Variants in PCDHGA8 observed in about 807,000 individuals in gnomAD.
The protein encoded by PCDHGA8 is protocadherin gamma subfamily A, 8.
PCDHGA8 carries 45 observed loss-of-function variants against 59.2 expected under a neutral mutation model. That is an observed-to-expected ratio of 0.76 (90% CI 0.60 to 0.98). PCDHGA8 has a LOEUF of 0.98. PCDHGA8 is among the 50% of genes least tolerant of loss of function. The pLI is 0.00. For missense variants in PCDHGA8, 1,257 were observed against 1,196.2 expected (o/e 1.05, Z -0.75); for synonymous variants, 531 against 519.0 (o/e 1.02, Z -0.32).
intron 1 of PCDHGA8, chr5:141,399,531 G>A (rs771221717): frequency 1.2e-6 from 2 of 1,614,052 alleles, no homozygotes; most frequent in Non-Finnish European, 1.7e-6. Flanking sequence ...CCTCCATCGC[G>A]CAAGTCTGCG....
At chr5:141,509,335 G>T (rs113423267) in intron 3 of PCDHGA8, among the ~76,000 whole-genome samples, 106 of 152,262 alleles carry the variant, frequency 7.0e-4, no homozygotes, top group African/African-American at 2.4e-3. Context: ...CTGCCAGCTG[G>T]GCCTGGGCTG....
chr5:141,415,007 G>A (rs369009151), intron 1 of PCDHGA8: 1 of 1,613,654 alleles, frequency 6.2e-7, no homozygotes, highest in South Asian at 1.1e-5. Flanking sequence ...CTGTCCTACC[G>A]TCTGCTCAAG....
chr5:141,393,304 T>G lies in PCDHGA8; in HGVS notation c.491T>G (p.Val164Gly), dbSNP rs1317637425. The G allele has an allele frequency of 1.9e-6, 3 of 1,613,680 alleles. No homozygotes were observed. The highest frequency in any genetic ancestry group is 1.7e-5 in the Admixed American group (1 of 59,990). The change falls in exon 1 of 4, where the codon GTG becomes GGG. Residue 164 changes from valine (V) to glycine (G), a missense_variant. Physicochemically the swap from Val to Gly is moderately radical, Grantham distance 109. Transcript: ENST00000398604. Reference sequence around the variant, plus strand: ...GAAGCTGTTGACCCGGATGTGGGCGTGAACTCCCTCCAGAGCTACCAGCTC... The same window carrying G: ...GAAGCTGTTGACCCGGATGTGGGCGGGAACTCCCTCCAGAGCTACCAGCTC... ...LPEAVDPDVG[V>G]NSLQSYQLSP...
In PCDHGA8 at chr5:141,430,383, GAA is replaced by G. The variant is rs139772145; in HGVS notation, c.2424+35158_2424+35159del. Among the ~76,000 whole-genome samples the G allele has an allele frequency of 1.3e-3, 180 of 138,574 alleles. 1 individual carries two copies. Among genetic ancestry groups the G allele is most frequent in the African/African-American group, 4.5e-3 (169 of 37,858 alleles). 90.9% of individuals were successfully genotyped at this position (138,574 alleles called of 152,430 possible). A position where few individuals can be genotyped will look rare whatever the true frequency, so the allele number is the denominator to read the frequency against. On this transcript the variant is annotated intron_variant, in intron 1 of 3. Coordinates refer to ENST00000398604, the MANE Select transcript of PCDHGA8 (RefSeq NM_032088.2). ...CATTGGGGAAAAAAAAGCTCATTGG[GAA>G]AAAAAAAAAAAGCTCACTAAAGTTT...
intron 1 of PCDHGA8, chr5:141,421,239 G>A (rs773410079): frequency 6.3e-7 from 1 of 1,599,000 alleles, no homozygotes; most frequent in South Asian, 1.1e-5. Context: ...TGGCGAATCG[G>A]CTACAGCGCG....
chr5:141,484,532 G>A (rs1421387882), intron 1 of PCDHGA8, among the ~76,000 whole-genome samples: 1 of 152,182 alleles, frequency 6.6e-6, no homozygotes, highest in Non-Finnish European at 1.5e-5. Context: ...TTGAGTATAT[G>A]GCAGTGGTTC....
At chr5:141,444,774 AT>A (rs2098446962) in intron 1 of PCDHGA8, among the ~76,000 whole-genome samples, 1 of 152,018 alleles carries the variant, frequency 6.6e-6, no homozygotes, top group Non-Finnish European at 1.5e-5. Context: ...TATATTCTTG[AT>A]CATGTTTCAT....
rs2099681350 is a variant in PCDHGA8, at chr5:141,489,024, C to T, written c.2425-5783C>T. 1 of 450,378 alleles carries T rather than the reference C, an allele frequency of 2.2e-6. No individual in the cohort carries two copies. The highest frequency in any genetic ancestry group is 3.9e-6 in the Non-Finnish European group (1 of 256,582). 27.9% of individuals were successfully genotyped at this position (450,378 alleles called of 1,614,324 possible). On this transcript the variant is annotated intron_variant, in intron 1 of 3. Coordinates refer to ENST00000398604, the MANE Select transcript of PCDHGA8 (RefSeq NM_032088.2). The surrounding 1 kb of genome is among the most constrained non-coding windows in gnomAD (Gnocchi z 4.5). ...CTGCTCTTCCAGCCCGCCTCTCCTC[C>T]TCCAGCTCCCCAGCTCCACTCAAAT... is the stretch of plus-strand genomic sequence containing the variant.
At chr5:141,495,697 A>G (rs1010733016) in intron 2 of PCDHGA8, among the ~76,000 whole-genome samples, 1 of 152,086 alleles carries the variant, frequency 6.6e-6, no homozygotes, top group Non-Finnish European at 1.5e-5. Flanking sequence ...AGTGCTCAAT[A>G]AATGTGGAGT....
At position 141,393,613 on chromosome 5, in the gene PCDHGA8, G is replaced by A; in HGVS notation, c.800G>A (p.Ser267Asn). The A allele has an allele frequency of 6.2e-7, 1 of 1,613,926 alleles. No homozygotes were observed. Among genetic ancestry groups the A allele is most frequent in the Non-Finnish European group, 8.5e-7 (1 of 1,179,904 alleles). ...PGTRLLTVTA[S>N]DPDEGINGKV... is the part of the protein sequence containing the mutation. ...ACGCGGCTGCTTACTGTAACAGCCA[G>A]CGACCCGGATGAGGGAATCAACGGA... Residue 267 changes from serine (S) to asparagine (N), a missense_variant, in exon 1 of 4, where the codon AGC (serine) becomes AAC (asparagine). Physicochemically the swap from Ser to Asn is conservative, Grantham distance 46. Transcript: ENST00000398604.
Position 141,393,299 on chromosome 5 carries a change from G to T in PCDHGA8, c.486G>T (p.Val162=), listed in dbSNP as rs768038476. Residue 162 remains valine, a synonymous_variant, in exon 1 of 4, where the codon GTG becomes GTT. Coordinates refer to ENST00000398604, the MANE Select transcript of PCDHGA8 (RefSeq NM_032088.2). ...TCCCAGAAGCTGTTGACCCGGATGT[G>T]GGCGTGAACTCCCTCCAGAGCTACC... ...YPLPEAVDPD[V]GVNSLQSYQL... The T allele has an allele frequency of 5.0e-6, 8 of 1,613,780 alleles. No homozygotes were observed. The highest frequency in any genetic ancestry group is 1.6e-4 in the Middle Eastern group (1 of 6,082).
At chr5:141,415,063 G>A (rs569362520) in intron 1 of PCDHGA8, 3 of 1,613,432 alleles carry the variant, frequency 1.9e-6, no homozygotes, top group Admixed American at 1.7e-5. Flanking sequence ...CACGGGCGAG[G>A]TGCGCACGGC....
At position 141,486,706 on chromosome 5, in the gene PCDHGA8, C is replaced by G; in HGVS notation, c.2425-8101C>G. 6.2e-7 allele frequency: 1 copy of G among 1,614,154 alleles called. No homozygotes were observed. Among genetic ancestry groups the G allele is most frequent in the Non-Finnish European group, 8.5e-7 (1 of 1,180,024 alleles). ...CAGCTTCCTCTTTCATCTCTCTGAA[C>G]CCCCAGACAGGAGCTGTTCATGCTA... On this transcript the variant is annotated intron_variant, in intron 1 of 3. Coordinates refer to ENST00000398604, the MANE Select transcript of PCDHGA8 (RefSeq NM_032088.2). This position sits in a 1 kb window ranked among gnomAD's most constrained non-coding sequence, Gnocchi z 5.0.
At position 141,415,593 on chromosome 5, in the gene PCDHGA8, G is replaced by A. The variant is rs201857595; in HGVS notation, c.2424+20356G>A. ...TAGATGATTCGAAGTTTCCTATAGA[G>A]GATACCCCATTGGTTCCAGTGAGTT... On this transcript the variant is annotated intron_variant, in intron 1 of 3. Transcript: ENST00000398604. The A allele has an allele frequency of 7.6e-5, 122 of 1,613,876 alleles. No homozygotes were observed. In the East Asian group the frequency reaches 2.7e-3, roughly 35 times the overall value.
chr5:141,422,838 C>T (rs201218542), intron 1 of PCDHGA8: 182 of 1,614,252 alleles, frequency 1.1e-4, no homozygotes, highest in Middle Eastern at 1.6e-4. Context: ...TAGCACGTGA[C>T]AGCGGGGACC....
rs777780708 is a variant in PCDHGA8, at chr5:141,489,934, G to C, written c.2425-4873G>C. ...AGGGACCACCCTTATCTCTGTCATC[G>C]TGCTGGACATCAATGATAATGCTCC... On this transcript the variant is annotated intron_variant, in intron 1 of 3. Transcript: ENST00000398604. The surrounding 1 kb of genome is among the most constrained non-coding windows in gnomAD (Gnocchi z 4.5). The C allele has an allele frequency of 1.4e-5, 23 of 1,614,176 alleles. No homozygotes were observed. Among genetic ancestry groups the C allele is most frequent in the Non-Finnish European group, 1.8e-5 (21 of 1,180,030 alleles).
chr5:141,441,819 G>A (rs1040935030), intron 1 of PCDHGA8: 6 of 359,092 alleles, frequency 1.7e-5, no homozygotes, highest in Non-Finnish European at 3.3e-5. Context: ...CCCCAGCTCT[G>A]GAGCGCAATG....
At chr5:141,438,290 A>G (rs1043285243) in intron 1 of PCDHGA8, among the ~76,000 whole-genome samples, 5 of 152,074 alleles carry the variant, frequency 3.3e-5, no homozygotes, top group East Asian at 3.9e-4. Flanking sequence ...TTTAATCTGT[A>G]TGTAAAAGAA....
rs771744120 is a variant in PCDHGA8 at position 141,485,876 on chromosome 5, G to A, written c.2425-8931G>A. ...AGAGCTCCGGGTATCCGTGCTGGAC[G>A]TAAACGACAACGCCCCAGCCTTCCA... On this transcript the variant is annotated intron_variant, in intron 1 of 3. Transcript: ENST00000398604. This position sits in a 1 kb window ranked among gnomAD's most constrained non-coding sequence, Gnocchi z 5.7. 1 of 1,614,174 alleles carries A rather than the reference G, an allele frequency of 6.2e-7. No homozygotes were observed. Among genetic ancestry groups the A allele is most frequent in the Non-Finnish European group, 8.5e-7 (1 of 1,180,030 alleles).
Sources: allele counts gnomAD v4.1 joint callset (sites outside exome capture counted in the v4.1 genomes callset), GRCh38; gene constraint gnomAD v4.1.1; non-coding constraint Gnocchi (gnomAD v3.1); transcripts MANE v1.5; gene names NCBI Gene and HGNC (gene_info 2026-07-23, HGNC 2026-07-21).